The following TMEM184B variants were observed in gnomAD, a reference collection of about 807,000 sequenced individuals.
TMEM184B encodes the protein putative MAPK-activating protein FM08.
In TMEM184B, 17 loss-of-function variants were observed where a neutral mutation model predicts 41.8. The observed-to-expected ratio is 0.41, with a 90% CI of 0.28 to 0.61. The LOEUF is 0.61. Ranked by LOEUF, TMEM184B falls within the 20% of genes least tolerant of loss-of-function variation. TMEM184B has a pLI of 0.34. For missense variants in TMEM184B, 393 were observed against 557.8 expected (o/e 0.70, Z 2.98); for synonymous variants, 240 against 229.5 (o/e 1.05, Z -0.41).
At chr22:38,256,216 CTT>C (rs34076108) in intron 1 of TMEM184B, among the ~76,000 whole-genome samples, 5 of 144,516 alleles carry the variant, frequency 3.5e-5, no homozygotes, top group Non-Finnish European at 1.5e-5. Context: ...CCCAGGGGAC[CTT>C]TTTTTTTTTT....
chr22:38,237,045 G>T (rs981837475), intron 3 of TMEM184B, among the ~76,000 whole-genome samples: 32 of 152,090 alleles, frequency 2.1e-4, no homozygotes, highest in African/African-American at 7.7e-4. Flanking sequence ...CCTATTGGCA[G>T]CTCCTTGAGC....
At chr22:38,240,937 T>C (rs1425543814) in intron 3 of TMEM184B, among the ~76,000 whole-genome samples, 1 of 152,150 alleles carries the variant, frequency 6.6e-6, no homozygotes, top group Non-Finnish European at 1.5e-5. Flanking sequence ...CTAAAGATAT[T>C]TTCAGATTCC....
At chr22:38,238,655 G>A (rs1285697179) in intron 3 of TMEM184B, among the ~76,000 whole-genome samples, 2 of 152,220 alleles carry the variant, frequency 1.3e-5, no homozygotes, top group Non-Finnish European at 2.9e-5. Flanking sequence ...GCTCACCCCG[G>A]TTGGACAGTG....
chr22:38,266,858 TG>T (rs1038250807), intron 1 of TMEM184B, among the ~76,000 whole-genome samples: 18 of 151,712 alleles, frequency 1.2e-4, no homozygotes, highest in African/African-American at 3.9e-4. Context: ...CCGAGGCGGG[TG>T]GATCAAGAGG....
At chr22:38,237,007 T>C (rs989316764) in intron 3 of TMEM184B, among the ~76,000 whole-genome samples, 5 of 152,164 alleles carry the variant, frequency 3.3e-5, no homozygotes, top group Non-Finnish European at 7.3e-5. Context: ...ACCTCTCCTC[T>C]ACTGGCTTCT....
chr22:38,256,977 G>GTTTTTT (rs777863582), intron 1 of TMEM184B, among the ~76,000 whole-genome samples: 2 of 124,288 alleles, frequency 1.6e-5, no homozygotes, highest in African/African-American at 3.1e-5. Context: ...GACATTAATA[G>GTTTTTT]TTTTTTTTTT....
intron 3 of TMEM184B, among the ~76,000 whole-genome samples, chr22:38,233,730 T>C (rs2091696055): frequency 6.6e-6 from 1 of 151,946 alleles, no homozygotes. Context: ...CGGGTCCAGC[T>C]ATATCATGAT....
Position 38,231,586 on chromosome 22 carries a change from A to G in TMEM184B, c.359-252T>C, listed in dbSNP as rs1288381038. Reference sequence around the variant, plus strand: ...TGCACCCCTGCACTGGCGTAATACTATGAAGGGACTGTCGTGAGTTCAGGG... The same window carrying G: ...TGCACCCCTGCACTGGCGTAATACTGTGAAGGGACTGTCGTGAGTTCAGGG... On this transcript the variant is annotated intron_variant, in intron 3 of 8. Coordinates refer to ENST00000361906, the MANE Select transcript of TMEM184B (RefSeq NM_012264.5). 4 of 618,938 alleles carry G rather than the reference A, an allele frequency of 6.5e-6. No individual in the cohort carries two copies. In the Admixed American group the frequency reaches 9.2e-5, roughly 14 times the overall value. The allele number at this position is 618,938 out of a possible 1,614,324, so 38.3% of individuals were successfully genotyped here.
In TMEM184B at chr22:38,221,276, A is replaced by G; in HGVS notation, c.*193T>C. 7.0e-7 allele frequency: 1 copy of G among 1,427,262 alleles called. No individual in the cohort carries two copies. Among genetic ancestry groups the G allele is most frequent in the East Asian group, 2.5e-5 (1 of 39,402 alleles). 88.4% of individuals were successfully genotyped at this position (1,427,262 alleles called of 1,614,324 possible). A position where few individuals can be genotyped will look rare whatever the true frequency, so the allele number is the denominator to read the frequency against. Reference sequence around the variant, plus strand: ...AGTGCAGGCTGGGCCATGTATAAATATTCCTGAAGGCCCATGGGCGAGCCT... The same window carrying G: ...AGTGCAGGCTGGGCCATGTATAAATGTTCCTGAAGGCCCATGGGCGAGCCT... On this transcript the variant is annotated 3_prime_UTR_variant, in exon 9 of 9. Coordinates refer to ENST00000361906, the MANE Select transcript of TMEM184B (RefSeq NM_012264.5).
In TMEM184B at chr22:38,235,123, C is replaced by T. The variant is rs188747549; in HGVS notation, c.359-3789G>A. Reference sequence around the variant, plus strand: ...AACACTGAAGGAAGGAATGGACAGACGTACATGGACCATCTCCCCAGGGGA... The same window carrying T: ...AACACTGAAGGAAGGAATGGACAGATGTACATGGACCATCTCCCCAGGGGA... On this transcript the variant is annotated intron_variant, in intron 3 of 8. Coordinates refer to ENST00000361906, the MANE Select transcript of TMEM184B (RefSeq NM_012264.5). 1.7e-3 allele frequency among the ~76,000 whole-genome samples: 259 copies of T among 152,328 alleles called. 6 individuals are homozygous for T. The highest frequency in any genetic ancestry group is 4.0e-4 in the Non-Finnish European group (27 of 68,026).
chr22:38,250,733 G>C (rs1602455045), intron 1 of TMEM184B, among the ~76,000 whole-genome samples: 1 of 151,976 alleles, frequency 6.6e-6, no homozygotes, highest in East Asian at 1.9e-4. Context: ...ACTAAGGGCG[G>C]TGTTGAGAAA....
chr22:38,231,187 G>T (rs937775875), intron 4 of TMEM184B, 57 bp downstream of exon 4: 15 of 1,487,008 alleles, frequency 1.0e-5, no homozygotes, highest in Non-Finnish European at 1.4e-5. Flanking sequence ...ACGGCTCGAG[G>T]TACACCAGGC....
Position 38,225,019 on chromosome 22 carries a change from C to G in TMEM184B, c.788-40G>C. ...ACGGGTGTCTGGACCCAGAATGATT[C>G]CTTTCCTGCTCCCCCTTCTTCCACA... On this transcript the variant is annotated intron_variant, in intron 7 of 8. Coordinates refer to ENST00000361906, the MANE Select transcript of TMEM184B (RefSeq NM_012264.5). This position sits in a 1 kb window ranked among gnomAD's most constrained non-coding sequence, Gnocchi z 4.4. 6.7e-7 allele frequency: 1 copy of G among 1,498,530 alleles called. No homozygotes were observed. Among genetic ancestry groups the G allele is most frequent in the Non-Finnish European group, 8.9e-7 (1 of 1,122,754 alleles). The allele number at this position is 1,498,530 out of a possible 1,614,324, so 92.8% of individuals were successfully genotyped here.
intron 8 of TMEM184B, chr22:38,222,064 A>C: frequency 3.8e-6 from 1 of 260,238 alleles, no homozygotes; most frequent in South Asian, 5.8e-5. Flanking sequence ...CACTGACTGA[A>C]GTTGGGGCAT....
chr22:38,221,480 C>T lies in TMEM184B; in HGVS notation c.1213G>A (p.Asp405Asn). The T allele has an allele frequency of 3.1e-6, 5 of 1,608,408 alleles. No individual in the cohort carries two copies. Among genetic ancestry groups the T allele is most frequent in the Non-Finnish European group, 4.2e-6 (5 of 1,177,122 alleles). ...NEKTLLLSSD[D>N]EF ...ACTGCAGCCCGCACCTAGAATTCAT[C>T]ATCAGAGCTGAGCAGGAGAGTCTTC... Residue 405 changes from aspartate to asparagine, a missense_variant, in exon 9 of 9, where the codon GAT becomes AAT. By Grantham distance (23) the Asp-to-Asn change is conservative. This residue lies in a region of TMEM184B where 271 missense variants were observed against 434.1 expected (regional missense o/e 0.62). Transcript: ENST00000361906.
intron 2 of TMEM184B, among the ~76,000 whole-genome samples, chr22:38,247,248 G>C (rs2092053004): frequency 6.6e-6 from 1 of 152,180 alleles, no homozygotes; most frequent in Non-Finnish European, 1.5e-5. Context: ...GCAGTTCTAG[G>C]CTCTCTGTTG....
In TMEM184B at chr22:38,253,694, A is replaced by G. The variant is rs1347189616; in HGVS notation, c.-58-5675T>C. Among the ~76,000 whole-genome samples, 3 of 152,360 alleles carry G rather than the reference A, an allele frequency of 2.0e-5. No homozygotes were observed. In the East Asian group the frequency reaches 5.8e-4, roughly 29 times the overall value. ...TGTAAAACTCTAAACCTTTTAGAAG[A>G]CAGGAGAAAATATTTGAAACCTAGA... is the stretch of plus-strand genomic sequence containing the variant. On this transcript the variant is annotated intron_variant, in intron 1 of 8. Transcript: ENST00000361906.
intron 2 of TMEM184B, among the ~76,000 whole-genome samples, chr22:38,247,561 C>T (rs1394500682): frequency 6.6e-6 from 1 of 152,226 alleles, no homozygotes; most frequent in African/African-American, 2.4e-5. Context: ...GATCGCACCA[C>T]TGTACTCCAG....
Position 38,256,089 on chromosome 22 carries a change from G to A in TMEM184B, c.-58-8070C>T, listed in dbSNP as rs186980905. Among the ~76,000 whole-genome samples, 21 of 152,246 alleles carry A rather than the reference G, an allele frequency of 1.4e-4. 1 individual carries two copies. Among genetic ancestry groups the A allele is most frequent in the African/African-American group, 3.6e-4 (15 of 41,556 alleles). ...TGTTGGGCTGGGCATGGTGGCTCAC[G>A]CCTGTAATCCCAGCACTTTGGGAGT... On this transcript the variant is annotated intron_variant, in intron 1 of 8. Coordinates refer to ENST00000361906, the MANE Select transcript of TMEM184B (RefSeq NM_012264.5).
Sources: allele counts gnomAD v4.1 joint callset (sites outside exome capture counted in the v4.1 genomes callset), GRCh38; gene constraint gnomAD v4.1.1; regional missense constraint gnomAD v4.1.1; non-coding constraint Gnocchi (gnomAD v3.1); transcripts MANE v1.5; gene names NCBI Gene and HGNC (gene_info 2026-07-23, HGNC 2026-07-21).